The following ZNF804A variants were observed in gnomAD, a reference collection of about 807,000 sequenced individuals.
ZNF804A encodes the protein zinc finger protein 804A.
In ZNF804A, 2 loss-of-function variants were observed where a neutral mutation model predicts 16.5. The observed-to-expected ratio is 0.12, with a 90% CI of 0.05 to 0.38. ZNF804A has a LOEUF of 0.38. Ranked by LOEUF, ZNF804A falls within the 10% of genes least tolerant of loss-of-function variation. ZNF804A has a pLI of 0.99. For synonymous variants in ZNF804A, 534 were observed against 489.6 expected (o/e 1.09, Z -1.20); for missense variants, 1,473 against 1,390.7 (o/e 1.06, Z -0.94).
intron 2 of ZNF804A, among the ~76,000 whole-genome samples, chr2:184,908,138 A>T (rs1162720366): frequency 6.6e-6 from 1 of 152,164 alleles, no homozygotes; most frequent in Non-Finnish European, 1.5e-5. Flanking sequence ...GGATGTCAGC[A>T]GTCCTAAAGG....
At position 184,936,848 on chromosome 2, in the gene ZNF804A, T is replaced by C. The variant is rs374202919; in HGVS notation, c.1452T>C (p.Cys484=). ...ATAAGCCAGACTTAAAAGATCTTTG[T>C]TCTCAGCAGAAGCAGGAAGACATTT... The part of the protein sequence containing the change: ...DKNKPDLKDL[C]SQQKQEDICM... Residue 484 remains cysteine, a synonymous_variant, in exon 4 of 4, where the codon TGT becomes TGC. Transcript: ENST00000302277. The C allele has an allele frequency of 9.3e-6, 15 of 1,612,958 alleles. No homozygotes were observed. Among genetic ancestry groups the C allele is most frequent in the Non-Finnish European group, 1.2e-5 (14 of 1,179,692 alleles).
At chr2:184,756,876 G>A (rs1693967018) in intron 1 of ZNF804A, among the ~76,000 whole-genome samples, 1 of 151,796 alleles carries the variant, frequency 6.6e-6, no homozygotes, top group South Asian at 2.1e-4. Context: ...CTGATATGTT[G>A]AACACACCAG....
At chr2:184,628,047 GCTCACCA>G (rs1280062424) in intron 1 of ZNF804A, among the ~76,000 whole-genome samples, 1 of 152,178 alleles carries the variant, frequency 6.6e-6, no homozygotes, top group African/African-American at 2.4e-5. Context: ...GGGCTCAGTG[GCTCACCA>G]CTGTAATCCC....
intron 2 of ZNF804A, among the ~76,000 whole-genome samples, chr2:184,930,980 G>T (rs1206802973): frequency 6.6e-6 from 1 of 152,212 alleles, no homozygotes; most frequent in Non-Finnish European, 1.5e-5. Context: ...AATCATGGTG[G>T]AAGGTGAAGG....
chr2:184,866,623 A>G, intron 2 of ZNF804A, 111 bp downstream of exon 2: 1 of 968,234 alleles, frequency 1.0e-6, no homozygotes, highest in Non-Finnish European at 1.4e-6. Flanking sequence ...AATTTGCTGT[A>G]CAGTTTTGAA....
chr2:184,783,872 G>T (rs1032816994), intron 1 of ZNF804A, among the ~76,000 whole-genome samples: 1 of 151,888 alleles, frequency 6.6e-6, no homozygotes, highest in Non-Finnish European at 1.5e-5. Flanking sequence ...AAAGTGGTTT[G>T]TCAATTTCTG....
chr2:184,790,574 A>C (rs1466319044), intron 1 of ZNF804A, among the ~76,000 whole-genome samples: 1 of 151,760 alleles, frequency 6.6e-6, no homozygotes, highest in Admixed American at 6.6e-5. Context: ...GTTGTATTCA[A>C]ACCTTTATTC....
intron 1 of ZNF804A, among the ~76,000 whole-genome samples, chr2:184,763,495 C>G (rs1039378881): frequency 6.6e-6 from 1 of 151,886 alleles, no homozygotes; most frequent in Non-Finnish European, 1.5e-5. Context: ...TCTTTCCAAA[C>G]CATCTCAAGT....
intron 1 of ZNF804A, among the ~76,000 whole-genome samples, chr2:184,811,798 C>G (rs1402401304): frequency 6.6e-6 from 1 of 152,118 alleles, no homozygotes; most frequent in Non-Finnish European, 1.5e-5. Flanking sequence ...ATTTTAGCCT[C>G]CATCTTAATT....
intron 1 of ZNF804A, among the ~76,000 whole-genome samples, chr2:184,832,637 T>A (rs542138809): frequency 6.6e-6 from 1 of 152,036 alleles, no homozygotes; most frequent in African/African-American, 2.4e-5. Flanking sequence ...TTCTCTTATT[T>A]TTTTTATACT....
Position 184,939,147 on chromosome 2 carries a change from C to A in ZNF804A, c.*121C>A. ...AAATAAACTGGCCGATACATGGCGT[C>A]ATTGGTTTGAAATCATTTACTGTAA... On this transcript the variant is annotated 3_prime_UTR_variant, in exon 4 of 4. Coordinates refer to ENST00000302277, the MANE Select transcript of ZNF804A (RefSeq NM_194250.2). The A allele has an allele frequency of 1.6e-6, 2 of 1,281,236 alleles. No individual in the cohort carries two copies. Among genetic ancestry groups the A allele is most frequent in the South Asian group, 1.5e-5 (1 of 67,062 alleles). The allele number at this position is 1,281,236 out of a possible 1,614,324, so 79.4% of individuals were successfully genotyped here.
intron 1 of ZNF804A, among the ~76,000 whole-genome samples, chr2:184,837,926 T>A (rs1558977710): frequency 6.6e-6 from 1 of 152,100 alleles, no homozygotes; most frequent in Non-Finnish European, 1.5e-5. Context: ...CACCATAGCC[T>A]TTGGGAGCTT....
chr2:184,785,919 T>C (rs1040083625), intron 1 of ZNF804A, among the ~76,000 whole-genome samples: 6 of 152,058 alleles, frequency 3.9e-5, no homozygotes, highest in Non-Finnish European at 7.4e-5. Flanking sequence ...AGATACTTTA[T>C]GTTAGATGCA....
intron 2 of ZNF804A, among the ~76,000 whole-genome samples, chr2:184,895,777 T>C (rs1019777604): frequency 6.6e-6 from 1 of 152,240 alleles, no homozygotes; most frequent in Non-Finnish European, 1.5e-5. Flanking sequence ...AATTTCACTG[T>C]AAAAAAGTAA....
chr2:184,885,835 G>A (rs954745912), intron 2 of ZNF804A, among the ~76,000 whole-genome samples: 3 of 152,034 alleles, frequency 2.0e-5, no homozygotes, highest in Non-Finnish European at 2.9e-5. Flanking sequence ...CCTCCCCAAG[G>A]ATCCCTCCCA....
At chr2:184,785,276 A>G (rs964154153) in intron 1 of ZNF804A, among the ~76,000 whole-genome samples, 11 of 152,008 alleles carry the variant, frequency 7.2e-5, no homozygotes, top group African/African-American at 2.7e-4. Context: ...AAATCTGCAT[A>G]AATTAATAGT....
At chr2:184,633,247 G>C (rs1028242067) in intron 1 of ZNF804A, among the ~76,000 whole-genome samples, 4 of 152,168 alleles carry the variant, frequency 2.6e-5, no homozygotes, top group African/African-American at 9.7e-5. Context: ...ACTTTATGTA[G>C]TCAGAGCAGA....
At chr2:184,901,033 G>A (rs536746791) in intron 2 of ZNF804A, among the ~76,000 whole-genome samples, 1 of 151,982 alleles carries the variant, frequency 6.6e-6, no homozygotes, top group South Asian at 2.1e-4. Context: ...TTGTTTGCAG[G>A]GGCATTCTCC....
chr2:184,658,189 T>C (rs960497287), intron 1 of ZNF804A, among the ~76,000 whole-genome samples: 2 of 152,162 alleles, frequency 1.3e-5, no homozygotes, highest in African/African-American at 2.4e-5. Context: ...ACTGAGAAGT[T>C]TTTTTCCCCC....
Sources: gnomAD v4.1 joint callset for allele counts (sites outside exome capture counted in the v4.1 genomes callset) on GRCh38, gnomAD v4.1.1 for gene constraint, MANE v1.5 for transcripts, NCBI Gene and HGNC (gene_info 2026-07-23, HGNC 2026-07-21) for gene names.